Variants in CUX1 observed in about 807,000 individuals in gnomAD.
CUX1 encodes the protein cut like homeobox 1, also known as protein CASP.
CUX1 carries 31 observed loss-of-function variants against 158.8 expected under a neutral mutation model. The ratio of observed to expected loss-of-function variants is 0.20; its 90% CI spans 0.15 to 0.26. CUX1 has a LOEUF of 0.26. CUX1 is among the 10% of genes least tolerant of loss of function. The probability of loss-of-function intolerance (pLI) is 1.00; values close to 1 mark genes in which losing one functional copy is unlikely to be tolerated. For missense variants in CUX1, 1,589 were observed against 2,014.6 expected, an observed-to-expected ratio of 0.79 and a Z score of 4.04; for synonymous variants, 879 against 862.1, an observed-to-expected ratio of 1.02 and a Z score of -0.34.
At chr7:102,090,220 G>A (rs540211355) in intron 4 of CUX1, among the ~76,000 whole-genome samples, 1 of 152,284 alleles carries the variant, frequency 6.6e-6, no homozygotes, top group South Asian at 2.1e-4. Context: ...TGAAATCTAG[G>A]TATAGGTTGA....
intron 20 of CUX1, among the ~76,000 whole-genome samples, chr7:102,214,633 G>A (rs1050027678): frequency 6.6e-6 from 1 of 152,258 alleles, no homozygotes; most frequent in Non-Finnish European, 1.5e-5. Flanking sequence ...CTACAGGGCA[G>A]CCCTGCCTTT....
chr7:102,061,700 G>C (rs567761608), intron 3 of CUX1, among the ~76,000 whole-genome samples: 1 of 152,214 alleles, frequency 6.6e-6, no homozygotes, highest in Non-Finnish European at 1.5e-5. Flanking sequence ...CCAGGCCCCT[G>C]TGGTGCAGTG....
Position 102,282,735 on chromosome 7 carries a change from C to T in CUX1, c.1926C>T (p.Ser642=), listed in dbSNP as rs200899513. The T allele has an allele frequency of 6.8e-5, 110 of 1,613,576 alleles. 1 individual carries two copies. In the East Asian group the frequency reaches 1.4e-3, roughly 21 times the overall value. ...AGGTGCTCTACAAGCTGGCATGGAG[C>T]GAGAGCATGGAGAGGGACTGTGCCA... The change falls in exon 22 of 23, where the codon AGC becomes AGT. Residue 642 remains serine, a synonymous_variant. Coordinates refer to the CUX1 transcript ENST00000292538.
At chr7:102,191,814 T>TC (rs1287007148) in intron 12 of CUX1, among the ~76,000 whole-genome samples, 1 of 151,162 alleles carries the variant, frequency 6.6e-6, no homozygotes, top group African/African-American at 2.4e-5. Context: ...CCTCCTCTTC[T>TC]CCCCCAACCC....
intron 5 of CUX1, 149 bp downstream of exon 5, chr7:102,097,650 A>G: frequency 1.2e-6 from 1 of 823,380 alleles, no homozygotes; most frequent in South Asian, 1.9e-5. Flanking sequence ...CTGAGTCGTT[A>G]AAGAGAGATG....
chr7:102,239,894 GCAC>G (rs1800004526), intron 23 of CUX1, among the ~76,000 whole-genome samples: 2 of 152,118 alleles, frequency 1.3e-5, no homozygotes, highest in African/African-American at 4.8e-5. Flanking sequence ...TTACAGGCAT[GCAC>G]CACCAAGCCC....
intron 2 of CUX1, chr7:101,932,292 A>G: frequency 5.2e-6 from 1 of 193,102 alleles, no homozygotes; most frequent in Non-Finnish European, 1.1e-5. Flanking sequence ...TGTCTGAAAT[A>G]TGGGGCCGGC....
chr7:102,147,407 TG>T (rs1383789178), intron 8 of CUX1, among the ~76,000 whole-genome samples: 1 of 152,086 alleles, frequency 6.6e-6, no homozygotes, highest in Non-Finnish European at 1.5e-5. Context: ...GAGTGATGAG[TG>T]GTGAGCTGGG....
intron 2 of CUX1, among the ~76,000 whole-genome samples, chr7:101,975,378 T>G (rs1343922496): frequency 6.6e-6 from 1 of 151,744 alleles, no homozygotes. Flanking sequence ...CCTCCTTATC[T>G]CTACAAAAAA....
At position 102,255,679 on chromosome 7, in the gene CUX1, C is replaced by T; in HGVS notation, c.*6637C>T. 3.0e-6 allele frequency: 3 copies of T among 985,374 alleles called. No homozygotes were observed. Among genetic ancestry groups the T allele is most frequent in the Non-Finnish European group, 3.6e-6 (3 of 829,924 alleles). The allele number at this position is 985,374 out of a possible 1,614,324, so 61.0% of individuals were successfully genotyped here. ...ATATCCCAATGTCACGGCTACATCC[C>T]TATGGAAATTAATCAGAAGCACAGT... On this transcript the variant is annotated 3_prime_UTR_variant, in exon 24 of 24. Transcript: ENST00000292535.
intron 4 of CUX1, among the ~76,000 whole-genome samples, chr7:102,085,359 G>A (rs541086201): frequency 2.6e-5 from 4 of 152,258 alleles, no homozygotes; most frequent in African/African-American, 9.6e-5. Context: ...GTGTTCCCAT[G>A]CTATCTCATC....
intron 3 of CUX1, among the ~76,000 whole-genome samples, chr7:102,045,859 T>TCTCC (rs1384697351): frequency 1.3e-5 from 2 of 152,180 alleles, no homozygotes; most frequent in Non-Finnish European, 2.9e-5. Context: ...TCATTTGGCA[T>TCTCC]CTCCGCCAGG....
chr7:102,045,441 C>T (rs1822643001), intron 3 of CUX1, among the ~76,000 whole-genome samples: 1 of 152,252 alleles, frequency 6.6e-6, no homozygotes, highest in South Asian at 2.1e-4. Context: ...TGCGCCCGCG[C>T]GCCCCCTCCG....
intron 8 of CUX1, among the ~76,000 whole-genome samples, chr7:102,117,593 G>A (rs141946622): frequency 1.4e-4 from 22 of 152,216 alleles, no homozygotes; most frequent in African/African-American, 2.2e-4. Context: ...CCAGGGCAGC[G>A]CCAGGGACCC....
intron 3 of CUX1, among the ~76,000 whole-genome samples, chr7:102,043,913 G>A (rs570158497): frequency 1.3e-5 from 2 of 152,142 alleles, no homozygotes; most frequent in East Asian, 1.9e-4. Context: ...ATACCTCATC[G>A]TGGTTTTGAG....
chr7:102,053,322 G>T (rs187141695), intron 3 of CUX1, among the ~76,000 whole-genome samples: 26 of 152,052 alleles, frequency 1.7e-4, no homozygotes, highest in African/African-American at 6.3e-4. Context: ...TTGTGGGGAT[G>T]TATATATATA....
chr7:102,052,274 A>G (rs1224062902), intron 3 of CUX1, among the ~76,000 whole-genome samples: 2 of 151,898 alleles, frequency 1.3e-5, no homozygotes, highest in East Asian at 3.9e-4. Flanking sequence ...ATTTATCCCA[A>G]CCCCAACCCT....
At position 102,249,584 on chromosome 7, in the gene CUX1, T is replaced by C. The variant is rs974585335; in HGVS notation, c.*542T>C. On this transcript the variant is annotated 3_prime_UTR_variant, in exon 24 of 24. Coordinates refer to ENST00000292535, the MANE Select transcript of CUX1 (RefSeq NM_181552.4). Reference sequence around the variant, plus strand: ...CGTGTGGGCTTTAAAAGAAAAAAAATCAAACCCACATATTAAAAGGGGGCT... The same window carrying C: ...CGTGTGGGCTTTAAAAGAAAAAAAACCAAACCCACATATTAAAAGGGGGCT... 46 of 985,006 alleles carry C rather than the reference T, an allele frequency of 4.7e-5. No homozygotes were observed. Among genetic ancestry groups the C allele is most frequent in the Non-Finnish European group, 5.5e-5 (46 of 829,808 alleles). 61.0% of individuals were successfully genotyped at this position (985,006 alleles called of 1,614,324 possible).
intron 2 of CUX1, among the ~76,000 whole-genome samples, chr7:101,938,256 G>A (rs1185896322): frequency 6.6e-6 from 1 of 152,090 alleles, no homozygotes; most frequent in Admixed American, 6.5e-5. Context: ...GGGACCACAG[G>A]CGTGTGCCAC....
Sources: allele counts gnomAD v4.1 joint callset (sites outside exome capture counted in the v4.1 genomes callset), GRCh38; gene constraint gnomAD v4.1.1; transcripts MANE v1.5; gene names NCBI Gene and HGNC (gene_info 2026-07-23, HGNC 2026-07-21).